NKX6-3: variants seen among roughly 807,000 people sequenced by gnomAD.
NKX6-3 encodes the protein homeobox protein Nkx-6.3.
A neutral mutation model predicts 22.0 loss-of-function variants in NKX6-3; 17 were observed. The ratio of observed to expected loss-of-function variants is 0.77; its 90% CI spans 0.53 to 1.16. The LOEUF is 1.16. NKX6-3 is among the 50% of genes most tolerant of loss of function. The pLI is 0.00. For missense variants in NKX6-3, 363 were observed against 359.0 expected (o/e 1.01, Z -0.09); for synonymous variants, 177 against 167.2 (o/e 1.06, Z -0.45).
rs1194059925 is a variant in NKX6-3 at position 41,646,629 on chromosome 8, C to A, written c.618G>T (p.Thr206=). The change falls in exon 3 of 3, where the codon ACG becomes ACT. Residue 206 remains threonine, a synonymous_variant. Coordinates refer to ENST00000518699, the MANE Select transcript of NKX6-3 (RefSeq NM_001364841.2). ...KKSALEPSSS[T]PRAPGGAGAG... is the part of the protein sequence containing the mutation. ...CACCCGCGCCGCCCGGGGCCCGGGG[C>A]GTGGAGGACGAGGGCTCCAGGGCGC... 2 of 1,555,236 alleles carry A rather than the reference C, an allele frequency of 1.3e-6. No homozygotes were observed. Among genetic ancestry groups the A allele is most frequent in the East Asian group, 4.8e-5 (2 of 41,402 alleles).
chr8:41,646,013 T>C lies in NKX6-3; in HGVS notation c.*436A>G. 1 of 212,408 alleles carries C rather than the reference T, an allele frequency of 4.7e-6. No individual in the cohort carries two copies. The highest frequency in any genetic ancestry group is 9.3e-6 in the Non-Finnish European group (1 of 107,890). 13.2% of individuals were successfully genotyped at this position (212,408 alleles called of 1,614,324 possible). A position where few individuals can be genotyped will look rare whatever the true frequency, so the allele number is the denominator to read the frequency against. On this transcript the variant is annotated 3_prime_UTR_variant, in exon 3 of 3. Coordinates refer to ENST00000518699, the MANE Select transcript of NKX6-3 (RefSeq NM_001364841.2). Reference sequence around the variant, plus strand: ...CTGACTCCCCAGCCAGCTGCCTCCCTCCCTGGGAAGTCCTGCCCACTCCCC... The same window carrying C: ...CTGACTCCCCAGCCAGCTGCCTCCCCCCCTGGGAAGTCCTGCCCACTCCCC...
At chr8:41,647,484 G>A in intron 2 of NKX6-3, 1 of 893,132 alleles carries the variant, frequency 1.1e-6, no homozygotes, top group Non-Finnish European at 1.6e-6. Flanking sequence ...CGTGTGGAGT[G>A]GGAGAGCCTG....
intron 1 of NKX6-3, among the ~76,000 whole-genome samples, chr8:41,648,860 C>T (rs1329247788): frequency 1.3e-5 from 2 of 152,352 alleles, no homozygotes; most frequent in Admixed American, 6.5e-5. Flanking sequence ...GTGGTTCCCA[C>T]ATGTCAGGCC....
chr8:41,650,062 C>A (rs1804285181), intron 1 of NKX6-3, 49 bp downstream of exon 1: 1 of 1,495,860 alleles, frequency 6.7e-7, no homozygotes, highest in Non-Finnish European at 8.9e-7. Context: ...CCTCTGCCCC[C>A]CGGGGCCTGG....
Position 41,650,452 on chromosome 8 carries a change from G to C in NKX6-3, c.41C>G (p.Thr14Arg). 1 of 1,535,748 alleles carries C rather than the reference G, an allele frequency of 6.5e-7. No individual in the cohort carries two copies. Residue 14 changes from threonine to arginine, a missense_variant, in exon 1 of 3, where the codon ACG (threonine) becomes AGG (arginine). Around this residue, in one of 3 missense-constraint regions of NKX6-3, gnomAD observed 175 missense variants for 160.9 expected, o/e 1.09. Transcript: ENST00000518699. ...CATCTCCGGAAACTGAGCCAGCGGC[G>C]TGTTGTTCAGCAGGAACGTCCCCTG... ...NLQGTFLLNN[T>R]PLAQFPEMKA...
intron 1 of NKX6-3, among the ~76,000 whole-genome samples, chr8:41,649,590 A>C (rs1053348430): frequency 6.6e-6 from 1 of 152,160 alleles, no homozygotes; most frequent in Admixed American, 6.5e-5. Flanking sequence ...CTGTTGCTAG[A>C]AACCCGAGGA....
intron 2 of NKX6-3, 69 bp downstream of exon 2, chr8:41,647,997 C>A: frequency 7.2e-7 from 1 of 1,395,724 alleles, no homozygotes; most frequent in East Asian, 2.5e-5. Flanking sequence ...CACCTCTCTC[C>A]AACGCAGTGG....
rs144242085 is a variant in NKX6-3 at position 41,646,403 on chromosome 8, T to TC, written c.*45dup. The TC allele has an allele frequency of 2.6e-3, 4,028 of 1,546,188 alleles. 114 individuals carry two copies. The African/African-American group carries it at 0.05, about 19-fold the overall frequency. ...GGAGGGGAAGGTAGGCTCCTCGGCG[T>TC]CCCCCCGCAGGCTGCAGCCAGGATC... On this transcript the variant is annotated 3_prime_UTR_variant, in exon 3 of 3. Coordinates refer to ENST00000518699, the MANE Select transcript of NKX6-3 (RefSeq NM_001364841.2).
chr8:41,646,219 GCCT>G lies in NKX6-3; in HGVS notation c.*227_*229del. ...TCAGGAGTGCTGTGCCTCCCTCCTGGCCTCCTCCTCCCTTAGCTAGGATGCCTG... is the reference window on the plus strand; with the variant it reads ...TCAGGAGTGCTGTGCCTCCCTCCTGGCCTCCTCCCTTAGCTAGGATGCCTG... On this transcript the variant is annotated 3_prime_UTR_variant, in exon 3 of 3. Transcript: ENST00000518699. The G allele has an allele frequency of 3.2e-6, 2 of 615,748 alleles. No individual in the cohort carries two copies. The highest frequency in any genetic ancestry group is 5.7e-5 in the East Asian group (2 of 35,340). The allele number at this position is 615,748 out of a possible 1,614,324, so 38.1% of individuals were successfully genotyped here.
In NKX6-3 at chr8:41,650,469, C is replaced by T; in HGVS notation, c.24G>A (p.Thr8=). The change falls in exon 1 of 3, where the codon ACG becomes ACA. Residue 8 remains threonine (T), a synonymous_variant. Coordinates refer to ENST00000518699, the MANE Select transcript of NKX6-3 (RefSeq NM_001364841.2). ...CCAGCGGCGTGTTGTTCAGCAGGAA[C>T]GTCCCCTGCAGGTTGGACTCCATGA... MESNLQG[T]FLLNNTPLAQ... The T allele has an allele frequency of 6.5e-7, 1 of 1,535,628 alleles. No individual in the cohort carries two copies.
rs749712264 is a variant in NKX6-3 at position 41,650,125 on chromosome 8, C to T, written c.368G>A (p.Arg123Gln). 6.5e-7 allele frequency: 1 copy of T among 1,534,798 alleles called. No homozygotes were observed. Among genetic ancestry groups the T allele is most frequent in the Non-Finnish European group, 8.7e-7 (1 of 1,146,254 alleles). Residue 123 changes from arginine (R) to glutamine (Q), a missense_variant, in exon 1 of 3, where the codon CGG (arginine) becomes CAG (glutamine). This residue lies in a region of NKX6-3 where 175 missense variants were observed against 160.9 expected (regional missense o/e 1.09). Coordinates refer to ENST00000518699, the MANE Select transcript of NKX6-3 (RefSeq NM_001364841.2). ...ADTGQDWRGGRQCSNTPDPLS... is the reference protein window; with the variant it reads ...ADTGQDWRGGQQCSNTPDPLS... ...CCCGTACTCACTGTTGCTGCACTGC[C>T]GCCCGCCTCGCCAGTCTTGGCCCGT...
In NKX6-3 at chr8:41,650,246, G is replaced by GC; in HGVS notation, c.246dup (p.Leu83AlafsTer52). On this transcript the variant is annotated frameshift_variant, in exon 1 of 3. Transcript: ENST00000518699. LOFTEE classifies it high-confidence loss of function. ...CTGTAGTAGACCCCCTGCGAGCTGA[G>GC]CCCCCCAAAGCCTGCCACGTGGGGG... The GC allele has an allele frequency of 6.5e-7, 1 of 1,533,140 alleles. No homozygotes were observed. Among genetic ancestry groups the GC allele is most frequent in the Non-Finnish European group, 8.7e-7 (1 of 1,145,390 alleles). 95.0% of individuals were successfully genotyped at this position (1,533,140 alleles called of 1,614,324 possible).
chr8:41,647,821 C>T (rs895014721), intron 2 of NKX6-3, among the ~76,000 whole-genome samples: 2 of 152,130 alleles, frequency 1.3e-5, no homozygotes, highest in East Asian at 1.9e-4. Context: ...ATGATACCGA[C>T]CCCCCGGGTT....
intron 1 of NKX6-3, among the ~76,000 whole-genome samples, chr8:41,649,171 G>A (rs565177843): frequency 3.3e-5 from 5 of 152,314 alleles, no homozygotes; most frequent in South Asian, 2.1e-4. Context: ...GGGGCACAGC[G>A]ATGGGTGGCA....
chr8:41,646,527 G>T lies in NKX6-3; in HGVS notation c.720C>A (p.Asp240Glu). ...EYNKPLDPDS[D>E]DEKIRLLLRK... ...GCAGCAGCAGGCGGATCTTCTCGTC[G>T]TCCGAGTCGGGGTCCAGCGGCTTGT... Residue 240 changes from aspartate to glutamate, a missense_variant, in exon 3 of 3, where the codon GAC becomes GAA. Physicochemically the swap from Asp to Glu is conservative, Grantham distance 45 (BLOSUM62 2). Coordinates refer to ENST00000518699, the MANE Select transcript of NKX6-3 (RefSeq NM_001364841.2). 1.6e-5 allele frequency: 26 copies of T among 1,612,310 alleles called. No individual in the cohort carries two copies. Among genetic ancestry groups the T allele is most frequent in the Non-Finnish European group, 2.2e-5 (26 of 1,179,386 alleles).
rs968931323 is a variant in NKX6-3, at chr8:41,650,348, C to T, written c.145G>A (p.Ala49Thr). 2.0e-6 allele frequency: 3 copies of T among 1,534,648 alleles called. No homozygotes were observed. The highest frequency in any genetic ancestry group is 2.6e-6 in the Non-Finnish European group (3 of 1,146,116). ...SPPGLGPQLA[A>T]GTPHGITDIL... The stretch of plus-strand genomic sequence containing the variant: ...TCCGTGATCCCGTGGGGGGTTCCGG[C>T]GGCCAGCTGGGGGCCCAGCCCTGGG... The change falls in exon 1 of 3, where the codon GCC becomes ACC. Residue 49 changes from alanine to threonine, a missense_variant. Coordinates refer to ENST00000518699, the MANE Select transcript of NKX6-3 (RefSeq NM_001364841.2).
intron 2 of NKX6-3, chr8:41,647,257 C>T (rs1054039521): frequency 6.2e-7 from 1 of 1,610,594 alleles, no homozygotes; most frequent in Non-Finnish European, 8.5e-7. Context: ...CCCAGGGCAG[C>T]TGAGCGGCTG....
Position 41,647,130 on chromosome 8 carries a change from CTAGT to C in NKX6-3, c.553-440_553-437del, listed in dbSNP as rs1270491968. On this transcript the variant is annotated intron_variant, in intron 2 of 2. Transcript: ENST00000518699. ...CCCTACTTCATAAATAATTGTTCCC[CTAGT>C]TAGTTAGAAAAGTAACGTAGGTCCA... 7.1e-5 allele frequency: 110 copies of C among 1,547,002 alleles called. No individual in the cohort carries two copies. The South Asian group carries it at 1.0e-3, about 15-fold the overall frequency.
Position 41,646,375 on chromosome 8 carries a change from AG to A in NKX6-3, c.*73del. On this transcript the variant is annotated 3_prime_UTR_variant, in exon 3 of 3. Coordinates refer to ENST00000518699, the MANE Select transcript of NKX6-3 (RefSeq NM_001364841.2). ...CCCTGCGCCCCCAGGAGCGTGGGGA[AG>A]GGGAGGGGAAGGTAGGCTCCTCGGC... is the stretch of plus-strand genomic sequence containing the variant. 1 of 1,511,436 alleles carries A rather than the reference AG, an allele frequency of 6.6e-7. No homozygotes were observed. The highest frequency in any genetic ancestry group is 1.2e-5 in the South Asian group (1 of 82,918). The allele number at this position is 1,511,436 out of a possible 1,614,324, so 93.6% of individuals were successfully genotyped here. A position where few individuals can be genotyped will look rare whatever the true frequency, so the allele number is the denominator to read the frequency against.
Sources: gnomAD v4.1 joint callset for allele counts (sites outside exome capture counted in the v4.1 genomes callset) on GRCh38, gnomAD v4.1.1 for gene constraint, gnomAD v4.1.1 regional missense constraint, MANE v1.5 for transcripts, NCBI Gene and HGNC (gene_info 2026-07-23, HGNC 2026-07-21) for gene names.